NRXN1: variants seen among roughly 807,000 people sequenced by gnomAD.
NRXN1 encodes the protein neurexin-1.
In NRXN1, 39 loss-of-function variants were observed where a neutral mutation model predicts 150.9. The observed-to-expected ratio is 0.26, with a 90% CI of 0.20 to 0.34. The LOEUF is 0.34. Among genes scored for constraint, NRXN1 ranks in the 10% least tolerant of loss-of-function variants. NRXN1 has a pLI of 1.00. For synonymous variants in NRXN1, 924 were observed against 757.0 expected (o/e 1.22, Z -3.62); for missense variants, 1,815 against 1,949.9 (o/e 0.93, Z 1.30).
chr2:49,993,907 G>C (rs1171890020), intron 21 of NRXN1, among the ~76,000 whole-genome samples: 1 of 152,070 alleles, frequency 6.6e-6, no homozygotes, highest in Non-Finnish European at 1.5e-5. Flanking sequence ...ACTCTTAGAA[G>C]AACTGGCTGT....
chr2:50,955,018 TA>T (rs537298099), intron 2 of NRXN1, among the ~76,000 whole-genome samples: 2 of 151,986 alleles, frequency 1.3e-5, no homozygotes, highest in African/African-American at 4.8e-5. Context: ...GCTGGGAAGA[TA>T]AAAAAAGGGA....
intron 21 of NRXN1, among the ~76,000 whole-genome samples, chr2:49,997,214 T>A (rs553761141): frequency 4.6e-5 from 7 of 152,156 alleles, no homozygotes; most frequent in South Asian, 4.1e-4. Flanking sequence ...AGAGCGCATA[T>A]CTCTTGGAAG....
At chr2:50,897,822 T>G (rs1165382449) in intron 5 of NRXN1, among the ~76,000 whole-genome samples, 1 of 152,200 alleles carries the variant, frequency 6.6e-6, no homozygotes, top group East Asian at 1.9e-4. Context: ...TGTATCTTGG[T>G]TGCAGCATTG....
intron 2 of NRXN1, among the ~76,000 whole-genome samples, chr2:50,983,422 C>T (rs1697161979): frequency 6.6e-6 from 1 of 152,098 alleles, no homozygotes; most frequent in Non-Finnish European, 1.5e-5. Flanking sequence ...TCAATATTTT[C>T]TTTAGGTACT....
chr2:50,903,522 T>C (rs970792197), intron 5 of NRXN1, among the ~76,000 whole-genome samples: 2 of 152,168 alleles, frequency 1.3e-5, no homozygotes, highest in African/African-American at 4.8e-5. Context: ...TTTTTGTTTT[T>C]TGTAGTGACA....
At chr2:50,053,172 C>G in intron 21 of NRXN1, 99 bp downstream of exon 21, 2 of 1,240,428 alleles carry the variant, frequency 1.6e-6, no homozygotes, top group Non-Finnish European at 2.4e-6. Flanking sequence ...TGCCTAAGAT[C>G]AGAAAAATGT....
At chr2:50,898,184 CTTTG>C (rs1682318651) in intron 5 of NRXN1, among the ~76,000 whole-genome samples, 1 of 152,072 alleles carries the variant, frequency 6.6e-6, no homozygotes, top group Admixed American at 6.5e-5. Flanking sequence ...GTCACTGTTT[CTTTG>C]TTTCTATATG....
chr2:50,355,168 T>G (rs1486779149), intron 17 of NRXN1, among the ~76,000 whole-genome samples: 1 of 151,508 alleles, frequency 6.6e-6, no homozygotes, highest in Non-Finnish European at 1.5e-5. Context: ...AACTTAATCA[T>G]GCGATTCAAA....
At chr2:50,829,999 G>GAAA (rs572758147) in intron 5 of NRXN1, among the ~76,000 whole-genome samples, 933 of 58,082 alleles carry the variant, frequency 0.016, 68 homozygotes, top group Middle Eastern at 0.034. Flanking sequence ...CTGCCTGCTG[G>GAAA]AAAAAAAAAA....
At chr2:50,973,521 G>A (rs998897549) in intron 2 of NRXN1, among the ~76,000 whole-genome samples, 2 of 151,982 alleles carry the variant, frequency 1.3e-5, no homozygotes, top group South Asian at 2.1e-4. Context: ...TATCTGATTC[G>A]GGAGTCATTC....
chr2:51,027,412 G>T, intron 2 of NRXN1, 90 bp downstream of exon 2: 1 of 1,342,200 alleles, frequency 7.5e-7, no homozygotes, highest in Non-Finnish European at 9.7e-7. Context: ...CGTTTGCCAA[G>T]ATTAGGAAGA....
chr2:50,719,563 C>A (rs1372996995), intron 5 of NRXN1, among the ~76,000 whole-genome samples: 1 of 151,886 alleles, frequency 6.6e-6, no homozygotes, highest in African/African-American at 2.4e-5. Flanking sequence ...GTAATCCCAG[C>A]TACTTGGGAG....
intron 5 of NRXN1, among the ~76,000 whole-genome samples, chr2:50,818,453 TTTTA>T (rs1669245787): frequency 6.6e-6 from 1 of 151,962 alleles, no homozygotes; most frequent in Non-Finnish European, 1.5e-5. Flanking sequence ...TGGTTTAATT[TTTTA>T]TTTTTTTATT....
chr2:50,903,784 G>A (rs189535360), intron 5 of NRXN1, among the ~76,000 whole-genome samples: 1 of 152,110 alleles, frequency 6.6e-6, no homozygotes, highest in Admixed American at 6.5e-5. Flanking sequence ...ATGGCTCAAA[G>A]GTACTTTCAG....
At chr2:50,818,984 C>T (rs1056853382) in intron 5 of NRXN1, among the ~76,000 whole-genome samples, 5 of 152,032 alleles carry the variant, frequency 3.3e-5, no homozygotes, top group Non-Finnish European at 7.4e-5. Context: ...GCGATATCAA[C>T]CGACACCTGT....
At chr2:50,010,694 C>A (rs1002725732) in intron 21 of NRXN1, among the ~76,000 whole-genome samples, 3 of 152,008 alleles carry the variant, frequency 2.0e-5, no homozygotes, top group Non-Finnish European at 4.4e-5. Flanking sequence ...GTTACACAGC[C>A]CAGCTCCTCA....
chr2:49,997,938 T>C (rs1393455883), intron 21 of NRXN1, among the ~76,000 whole-genome samples: 1 of 152,070 alleles, frequency 6.6e-6, no homozygotes, highest in Non-Finnish European at 1.5e-5. Flanking sequence ...CTGTTTCAAG[T>C]CTTGGGTTGG....
chr2:50,160,074 T>C (rs1257202037), intron 18 of NRXN1, among the ~76,000 whole-genome samples: 5 of 152,082 alleles, frequency 3.3e-5, no homozygotes, highest in Non-Finnish European at 7.4e-5. Context: ...TCAGAATAAA[T>C]AACCTGTGAT....
chr2:50,137,373 T>C (rs2152755099), intron 18 of NRXN1, among the ~76,000 whole-genome samples: 1 of 152,216 alleles, frequency 6.6e-6, no homozygotes, highest in South Asian at 2.1e-4. Flanking sequence ...CGTTTGGAGA[T>C]CACGGTCAGT....
Sources: allele counts gnomAD v4.1 joint callset (sites outside exome capture counted in the v4.1 genomes callset), GRCh38; gene constraint gnomAD v4.1.1; transcripts MANE v1.5; gene names NCBI Gene and HGNC (gene_info 2026-07-23, HGNC 2026-07-21).